ARHGEF12: variants seen among roughly 807,000 people sequenced by gnomAD.
ARHGEF12 encodes the protein Rho guanine nucleotide exchange factor 12.
In ARHGEF12, 66 loss-of-function variants were observed where a neutral mutation model predicts 211.2. The ratio of observed to expected loss-of-function variants is 0.31; its 90% CI spans 0.26 to 0.38. ARHGEF12 has a LOEUF of 0.38. Among genes scored for constraint, ARHGEF12 ranks in the 10% least tolerant of loss-of-function variants. ARHGEF12 has a pLI of 1.00. For synonymous variants in ARHGEF12, 592 were observed against 638.4 expected, an observed-to-expected ratio of 0.93 and a Z score of 1.09; for missense variants, 1,429 against 1,869.5, an observed-to-expected ratio of 0.76 and a Z score of 4.34.
intron 1 of ARHGEF12, among the ~76,000 whole-genome samples, chr11:120,361,178 C>T (rs1943265272): frequency 6.6e-6 from 1 of 152,190 alleles, no homozygotes. Context: ...CAGGGGTCCC[C>T]AACCCCTGGG....
intron 15 of ARHGEF12, among the ~76,000 whole-genome samples, chr11:120,443,644 TCACTTTG>T (rs1444598072): frequency 1.3e-5 from 2 of 152,200 alleles, no homozygotes; most frequent in Non-Finnish European, 2.9e-5. Context: ...CTCAACCCTT[TCACTTTG>T]TCACTTTTTC....
rs186461794 is a variant in ARHGEF12, at chr11:120,442,055, T to A, written c.1204-49T>A. ...CTCAATGGTGACCTAGCAAATTACA[T>A]TTTTCATGGTTCCTCATTTTGTCTT... On this transcript the variant is annotated intron_variant, in intron 14 of 40. Transcript: ENST00000397843. The A allele has an allele frequency of 1.2e-3, 1,622 of 1,384,446 alleles. 4 individuals carry two copies. The Middle Eastern group carries it at 0.012, about 11-fold the overall frequency. The allele number at this position is 1,384,446 out of a possible 1,614,324, so 85.8% of individuals were successfully genotyped here.
chr11:120,370,111 A>G (rs1042635565), intron 1 of ARHGEF12, among the ~76,000 whole-genome samples: 1 of 152,212 alleles, frequency 6.6e-6, no homozygotes, highest in Non-Finnish European at 1.5e-5. Context: ...CAAAATATCA[A>G]TAAAAATTAC....
At chr11:120,412,123 C>T (rs1224666945) in intron 4 of ARHGEF12, among the ~76,000 whole-genome samples, 1 of 152,174 alleles carries the variant, frequency 6.6e-6, no homozygotes, top group South Asian at 2.1e-4. Context: ...GTCTATTAAA[C>T]GTGTATGGAT....
At chr11:120,388,045 T>G (rs1944092703) in intron 1 of ARHGEF12, among the ~76,000 whole-genome samples, 1 of 152,298 alleles carries the variant, frequency 6.6e-6, no homozygotes, top group Non-Finnish European at 1.5e-5. Flanking sequence ...ATAAACATAT[T>G]CACCCCAAAG....
At chr11:120,436,943 G>A (rs1464625255) in intron 11 of ARHGEF12, among the ~76,000 whole-genome samples, 1 of 151,872 alleles carries the variant, frequency 6.6e-6, no homozygotes, top group Non-Finnish European at 1.5e-5. Flanking sequence ...TTTTAGCTTG[G>A]ATAGAAAGGA....
intron 27 of ARHGEF12, among the ~76,000 whole-genome samples, chr11:120,461,565 GC>G (rs956553627): frequency 2.6e-5 from 4 of 152,064 alleles, no homozygotes; most frequent in Non-Finnish European, 4.4e-5. Flanking sequence ...AAAGTCATTG[GC>G]CCCTAACAAG....
intron 1 of ARHGEF12, among the ~76,000 whole-genome samples, chr11:120,393,645 A>AATG (rs1591536833): frequency 6.6e-6 from 1 of 152,332 alleles, no homozygotes; most frequent in East Asian, 1.9e-4. Context: ...GTATACACCT[A>AATG]ATGACAAAAC....
chr11:120,431,961 G>A, intron 11 of ARHGEF12, 50 bp downstream of exon 11: 2 of 1,477,778 alleles, frequency 1.4e-6, no homozygotes, highest in Non-Finnish European at 1.8e-6. Flanking sequence ...CTTCTTTACA[G>A]CCCCTTTCTA....
At chr11:120,470,040 G>A (rs1034470113) in intron 30 of ARHGEF12, among the ~76,000 whole-genome samples, 1 of 152,194 alleles carries the variant, frequency 6.6e-6, no homozygotes, top group Non-Finnish European at 1.5e-5. Flanking sequence ...CATGAGTGTG[G>A]ATCATGCCTA....
rs1402559254 is a variant in ARHGEF12, at chr11:120,336,845, G to C, written c.-399G>C. The C allele has an allele frequency of 2.2e-5, 8 of 363,558 alleles. No individual in the cohort carries two copies. The highest frequency in any genetic ancestry group is 3.9e-5 in the Non-Finnish European group (8 of 204,046). 22.5% of individuals were successfully genotyped at this position (363,558 alleles called of 1,614,324 possible). A position where few individuals can be genotyped will look rare whatever the true frequency, so the allele number is the denominator to read the frequency against. On this transcript the variant is annotated 5_prime_UTR_variant, in exon 1 of 41. Coordinates refer to ENST00000397843, the MANE Select transcript of ARHGEF12 (RefSeq NM_015313.3). The stretch of plus-strand genomic sequence containing the variant: ...GCCCTTGCCGCGGCGGGGAGTTCGA[G>C]GCCCCGAGACTCCGGAGGAGGAGCC...
In ARHGEF12 at chr11:120,397,322, T is replaced by G. The variant is rs536202203; in HGVS notation, c.33-8796T>G. Among the ~76,000 whole-genome samples, 170 of 152,338 alleles carry G rather than the reference T, an allele frequency of 1.1e-3. 3 individuals carry two copies. The highest frequency in any genetic ancestry group is 9.9e-3 in the South Asian group (48 of 4,828). On this transcript the variant is annotated intron_variant, in intron 1 of 40. Transcript: ENST00000397843. ...TCCATAAAGATTTGACATGAGTTCA[T>G]GGAATTGATCTCGGGGACGAGTGTG...
chr11:120,397,581 T>A (rs1944428234), intron 1 of ARHGEF12, among the ~76,000 whole-genome samples: 1 of 152,242 alleles, frequency 6.6e-6, no homozygotes, highest in Non-Finnish European at 1.5e-5. Context: ...TATCACAGGA[T>A]ACTTTGCAGT....
intron 1 of ARHGEF12, among the ~76,000 whole-genome samples, chr11:120,338,808 A>G (rs1942437632): frequency 6.6e-6 from 1 of 152,186 alleles, no homozygotes; most frequent in South Asian, 2.1e-4. Context: ...TGGAAACAGA[A>G]CGGACTCATT....
intron 1 of ARHGEF12, 101 bp downstream of exon 1, chr11:120,337,376 G>A: frequency 6.3e-7 from 1 of 1,586,082 alleles, no homozygotes; most frequent in Admixed American, 1.8e-5. Context: ...AAGTTGACAG[G>A]CAGAGGAAAG....
intron 3 of ARHGEF12, 109 bp from the exon 4 acceptor site, chr11:120,409,285 T>G: frequency 9.5e-7 from 1 of 1,047,792 alleles, no homozygotes; most frequent in Non-Finnish European, 1.4e-6. Context: ...ACTTTGTGTT[T>G]GCACGATTTA....
chr11:120,459,149 C>T, intron 25 of ARHGEF12, 25 bp from the exon 26 acceptor site: 2 of 1,567,854 alleles, frequency 1.3e-6, no homozygotes, highest in South Asian at 1.2e-5. Flanking sequence ...AGTAAGGCAA[C>T]ATTTCATATC....
chr11:120,343,829 A>G (rs1315050968), intron 1 of ARHGEF12, among the ~76,000 whole-genome samples: 1 of 152,248 alleles, frequency 6.6e-6, no homozygotes, highest in Admixed American at 6.5e-5. Context: ...ATAACACATT[A>G]GAGTCATTTA....
Position 120,431,930 on chromosome 11 carries a change from A to C in ARHGEF12, c.924+19A>C, listed in dbSNP as rs778061169. 1.1e-5 allele frequency: 18 copies of C among 1,568,410 alleles called. No homozygotes were observed. The highest frequency in any genetic ancestry group is 1.6e-5 in the Non-Finnish European group (18 of 1,159,378). ...TGCAGATGTAAGCTTTCAGTTTTCT[A>C]AATCTTTTTTCTTCTGTATTCTTCT... On this transcript the variant is annotated intron_variant, in intron 11 of 40. Coordinates refer to ENST00000397843, the MANE Select transcript of ARHGEF12 (RefSeq NM_015313.3).
Sources: gnomAD v4.1 joint callset for allele counts (sites outside exome capture counted in the v4.1 genomes callset) on GRCh38, gnomAD v4.1.1 for gene constraint, MANE v1.5 for transcripts, NCBI Gene and HGNC (gene_info 2026-07-23, HGNC 2026-07-21) for gene names.